The following RP1 variants were observed in gnomAD, a reference collection of about 807,000 sequenced individuals.
RP1 encodes the protein oxygen-regulated protein 1.
A neutral mutation model predicts 14.8 loss-of-function variants in RP1; 16 were observed. That is an observed-to-expected ratio of 1.08 (90% CI 0.73 to 1.65). The LOEUF (loss-of-function observed/expected upper bound fraction) is 1.65. Ranked by LOEUF, RP1 falls within the 40% of genes most tolerant of loss-of-function variation. The pLI is 0.00. For missense variants in RP1, 2,631 were observed against 2,535.0 expected (o/e 1.04, Z -0.81); for synonymous variants, 876 against 883.6 (o/e 0.99, Z 0.15).
chr8:54,795,622 G>A (rs561577051), intron 24 of RP1, among the ~76,000 whole-genome samples: 94 of 152,220 alleles, frequency 6.2e-4, no homozygotes, highest in Admixed American at 3.9e-3. Flanking sequence ...CTCTGAGCTG[G>A]ATGATAGATA....
At chr8:54,594,518 A>G (rs1805097989) in intron 1 of RP1, among the ~76,000 whole-genome samples, 1 of 152,260 alleles carries the variant, frequency 6.6e-6, no homozygotes, top group African/African-American at 2.4e-5. Flanking sequence ...GGAGACAATT[A>G]GGACACATCT....
chr8:54,749,233 A>C (rs1349942362), intron 19 of RP1, among the ~76,000 whole-genome samples: 4 of 152,024 alleles, frequency 2.6e-5, no homozygotes, highest in Non-Finnish European at 5.9e-5. Context: ...TGGGAGGCTG[A>C]GGCAGGAGAA....
At chr8:54,622,021 C>T in intron 2 of RP1, 96 bp from the exon 3 acceptor site, 1 of 1,210,228 alleles carries the variant, frequency 8.3e-7, no homozygotes, top group Non-Finnish European at 1.2e-6. Flanking sequence ...GTCTTTCAAG[C>T]CTAGGAGGTT....
chr8:54,642,209 A>AT (rs201764208), intron 3 of RP1, among the ~76,000 whole-genome samples: 2,740 of 151,544 alleles, frequency 0.018, 38 homozygotes, highest in Non-Finnish European at 0.027. Flanking sequence ...AGGTGAAAAC[A>AT]TTTTTTTTTG....
At chr8:54,762,906 G>A (rs1342745518) in intron 22 of RP1, among the ~76,000 whole-genome samples, 1 of 152,102 alleles carries the variant, frequency 6.6e-6, no homozygotes, top group Non-Finnish European at 1.5e-5. Context: ...TCTTCCTTTT[G>A]TGTGTCTGTG....
intron 24 of RP1, among the ~76,000 whole-genome samples, chr8:54,795,500 C>T (rs1810558580): frequency 6.6e-6 from 1 of 152,040 alleles, no homozygotes; most frequent in South Asian, 2.1e-4. Flanking sequence ...CTTCAGATAT[C>T]AATCATTTTT....
At chr8:54,836,167 T>C (rs1585733857) in intron 24 of RP1, among the ~76,000 whole-genome samples, 1 of 152,196 alleles carries the variant, frequency 6.6e-6, no homozygotes. Context: ...ATAACGGGTG[T>C]AATTTCTGTG....
At chr8:54,634,488 A>G (rs546642354), downstream of RP1, among the ~76,000 whole-genome samples, 1 of 141,448 alleles carries the variant, frequency 7.1e-6, no homozygotes, top group African/African-American at 2.4e-5. Context: ...ATGAAAAAAC[A>G]GAGATAACCC....
intron 24 of RP1, among the ~76,000 whole-genome samples, chr8:54,811,253 C>T (rs1810986452): frequency 6.6e-6 from 1 of 152,126 alleles, no homozygotes; most frequent in African/African-American, 2.4e-5. Context: ...GCCTGTCTTC[C>T]CATGTCTGCA....
chr8:54,832,351 G>T (rs1320667681), intron 24 of RP1, among the ~76,000 whole-genome samples: 4 of 151,516 alleles, frequency 2.6e-5, no homozygotes, highest in African/African-American at 9.7e-5. Flanking sequence ...TTTCAATATG[G>T]ATAATTTCTA....
At chr8:54,609,579 A>G (rs1448217121) in intron 1 of RP1, among the ~76,000 whole-genome samples, 3 of 152,176 alleles carry the variant, frequency 2.0e-5, no homozygotes, top group African/African-American at 4.8e-5. Flanking sequence ...CCACAAGCCT[A>G]CTATACCTCC....
intron 1 of RP1, among the ~76,000 whole-genome samples, chr8:54,619,313 TGCA>T (rs1457762508): frequency 2.0e-5 from 3 of 152,210 alleles, no homozygotes; most frequent in Non-Finnish European, 2.9e-5. Flanking sequence ...GACAACAGCT[TGCA>T]AACATTTAAG....
intron 1 of RP1, among the ~76,000 whole-genome samples, chr8:54,587,221 T>C (rs765116664): frequency 1.3e-5 from 2 of 151,834 alleles, no homozygotes; most frequent in Admixed American, 6.6e-5. Flanking sequence ...AGGTGAGGAG[T>C]TTGAGACCGG....
chr8:54,621,684 TTCC>T, intron 2 of RP1, 103 bp downstream of exon 2: 2 of 1,533,022 alleles, frequency 1.3e-6, no homozygotes, highest in Non-Finnish European at 1.8e-6. Flanking sequence ...GAAATCTTCC[TTCC>T]TCCCTGCCTG....
At chr8:54,689,132 G>A (rs919482221) in intron 12 of RP1, among the ~76,000 whole-genome samples, 1 of 152,066 alleles carries the variant, frequency 6.6e-6, no homozygotes, top group Non-Finnish European at 1.5e-5. Flanking sequence ...TTGATGTATA[G>A]AAATGCTTGT....
In RP1 at chr8:54,742,515, A is replaced by G. The variant is rs1050845607; in HGVS notation, c.2808+3486A>G. 2.0e-5 allele frequency among the ~76,000 whole-genome samples: 3 copies of G among 152,328 alleles called. No homozygotes were observed. In the South Asian group the frequency reaches 6.2e-4, roughly 32 times the overall value. On this transcript the variant is annotated intron_variant, in intron 19 of 22. Coordinates refer to the RP1 transcript ENST00000636932. ...AGGAACAGGTAAATATGTTCCAGTC[A>G]GTAAGTCAAGAAATATCTACTTAGC...
At chr8:54,604,857 T>A (rs1169736266) in intron 1 of RP1, among the ~76,000 whole-genome samples, 1 of 152,210 alleles carries the variant, frequency 6.6e-6, no homozygotes, top group Non-Finnish European at 1.5e-5. Flanking sequence ...TGATGGTAGT[T>A]TGTATTTCTG....
At chr8:54,837,807 CA>C (rs926250901) in intron 25 of RP1, 15 of 427,258 alleles carry the variant, frequency 3.5e-5, no homozygotes, top group African/African-American at 2.2e-4. Context: ...AAGTCTCTGC[CA>C]AAACTGCTCA....
chr8:54,739,994 G>A (rs6982968), intron 19 of RP1, among the ~76,000 whole-genome samples: 9,651 of 151,358 alleles, frequency 0.064, 951 homozygotes, highest in African/African-American at 0.21. Flanking sequence ...TGTACAGTAC[G>A]TAATACTTGC....
Sources: gnomAD v4.1 joint callset for allele counts (sites outside exome capture counted in the v4.1 genomes callset) on GRCh38, gnomAD v4.1.1 for gene constraint, MANE v1.5 for transcripts, NCBI Gene and HGNC (gene_info 2026-07-23, HGNC 2026-07-21) for gene names.